DPYD: variants seen among roughly 807,000 people sequenced by gnomAD.
DPYD encodes the protein dihydropyrimidine dehydrogenase, also known as dihydropyrimidine dehydrogenase [NADP(+)].
DPYD carries 109 observed loss-of-function variants against 116.2 expected under a neutral mutation model. The ratio of observed to expected loss-of-function variants is 0.94; its 90% CI spans 0.80 to 1.10. The LOEUF (loss-of-function observed/expected upper bound fraction) is 1.10. Ranked by LOEUF, DPYD falls within the 50% of genes least tolerant of loss-of-function variation. The pLI, the probability that DPYD is intolerant of heterozygous loss-of-function variation, is 0.00. For missense variants in DPYD, 1,302 were observed against 1,254.5 expected, an observed-to-expected ratio of 1.04 and a Z score of -0.57; for synonymous variants, 440 against 432.0, an observed-to-expected ratio of 1.02 and a Z score of -0.23.
At chr1:97,434,328 A>T (rs1318333323) in intron 14 of DPYD, among the ~76,000 whole-genome samples, 1 of 152,104 alleles carries the variant, frequency 6.6e-6, no homozygotes, top group African/African-American at 2.4e-5. Context: ...AAAGTGAAAT[A>T]TCTACCTCAA....
intron 5 of DPYD, among the ~76,000 whole-genome samples, chr1:97,701,954 T>C (rs1200778391): frequency 1.3e-5 from 2 of 151,710 alleles, no homozygotes; most frequent in South Asian, 2.1e-4. Flanking sequence ...TGAGTTTAAA[T>C]TGGTAATAAA....
At chr1:97,675,949 A>G (rs977456482) in intron 8 of DPYD, among the ~76,000 whole-genome samples, 5 of 151,958 alleles carry the variant, frequency 3.3e-5, no homozygotes, top group Non-Finnish European at 7.4e-5. Context: ...GGGTTTCACC[A>G]TGTTGGCCAG....
intron 13 of DPYD, among the ~76,000 whole-genome samples, chr1:97,510,332 C>T (rs1647688486): frequency 6.6e-6 from 1 of 151,932 alleles, no homozygotes; most frequent in South Asian, 2.1e-4. Flanking sequence ...TATGTGCCTT[C>T]CATTTCTCCA....
intron 15 of DPYD, among the ~76,000 whole-genome samples, chr1:97,375,885 C>A (rs1333527272): frequency 6.6e-6 from 1 of 152,168 alleles, no homozygotes; most frequent in Non-Finnish European, 1.5e-5. Context: ...AACAGCAAAT[C>A]AATTCAACAT....
At chr1:97,354,888 T>C (rs1301696623) in intron 16 of DPYD, among the ~76,000 whole-genome samples, 3 of 152,160 alleles carry the variant, frequency 2.0e-5, no homozygotes, top group Admixed American at 6.5e-5. Flanking sequence ...CCCTGGAGAA[T>C]CAATGGGGAA....
At chr1:97,224,852 A>G (rs1661008137) in intron 19 of DPYD, among the ~76,000 whole-genome samples, 1 of 151,918 alleles carries the variant, frequency 6.6e-6, no homozygotes, top group Admixed American at 6.6e-5. Context: ...TCTTTTTTAC[A>G]GCTGAACAAA....
chr1:97,641,744 G>A (rs577584449), intron 8 of DPYD, among the ~76,000 whole-genome samples: 1 of 152,108 alleles, frequency 6.6e-6, no homozygotes, highest in Non-Finnish European at 1.5e-5. Flanking sequence ...TGGAAGTTCT[G>A]GCCAGGGCAA....
chr1:97,117,481 A>C (rs1265007730), intron 20 of DPYD, among the ~76,000 whole-genome samples: 1 of 152,176 alleles, frequency 6.6e-6, no homozygotes, highest in East Asian at 1.9e-4. Flanking sequence ...GTACTAATTC[A>C]ACCTATTTCC....
intron 15 of DPYD, among the ~76,000 whole-genome samples, chr1:97,378,398 G>T (rs926959893): frequency 6.6e-6 from 1 of 152,200 alleles, no homozygotes; most frequent in Non-Finnish European, 1.5e-5. Context: ...TTCAGGTAAA[G>T]AAACTGATAG....
At chr1:97,208,512 C>G (rs570123583) in intron 19 of DPYD, among the ~76,000 whole-genome samples, 1 of 152,052 alleles carries the variant, frequency 6.6e-6, no homozygotes, top group South Asian at 2.1e-4. Flanking sequence ...TCTTGAACTC[C>G]TGGGCTTAAG....
At chr1:97,670,314 C>G (rs1299248849) in intron 8 of DPYD, among the ~76,000 whole-genome samples, 1 of 152,040 alleles carries the variant, frequency 6.6e-6, no homozygotes, top group Non-Finnish European at 1.5e-5. Flanking sequence ...ATGCTGAAGC[C>G]CTAATCTCAA....
At chr1:97,723,414 G>GATC (rs1198698821) in intron 4 of DPYD, among the ~76,000 whole-genome samples, 5 of 151,390 alleles carry the variant, frequency 3.3e-5, no homozygotes, top group African/African-American at 1.2e-4. Context: ...TAGTTACAGT[G>GATC]ATCTTATTCA....
chr1:97,269,599 C>T (rs72726669), intron 18 of DPYD, among the ~76,000 whole-genome samples: 2,338 of 152,178 alleles, frequency 0.015, 42 homozygotes, highest in Middle Eastern at 0.044. Flanking sequence ...GCTGGGAAGT[C>T]GGTGGTTGAG....
intron 20 of DPYD, among the ~76,000 whole-genome samples, chr1:97,124,471 A>G (rs989661701): frequency 1.3e-5 from 2 of 152,162 alleles, no homozygotes. Context: ...CAAGGAAACA[A>G]AAGGACTAGA....
intron 8 of DPYD, among the ~76,000 whole-genome samples, chr1:97,598,717 A>C (rs756806840): frequency 6.6e-6 from 1 of 152,210 alleles, no homozygotes; most frequent in African/African-American, 2.4e-5. Context: ...ACTACTCTAA[A>C]TGCCTGGCCC....
At chr1:97,179,054 A>G (rs1450121709) in intron 20 of DPYD, among the ~76,000 whole-genome samples, 1 of 152,146 alleles carries the variant, frequency 6.6e-6, no homozygotes, top group Non-Finnish European at 1.5e-5. Context: ...TAAGTCGCTC[A>G]CTCATATGGA....
intron 19 of DPYD, among the ~76,000 whole-genome samples, chr1:97,231,605 C>G (rs1020077852): frequency 1.3e-5 from 2 of 152,094 alleles, no homozygotes; most frequent in African/African-American, 4.8e-5. Flanking sequence ...TACCTCCCAC[C>G]AGGTCCCTCC....
chr1:97,084,592 T>C (rs922021117), intron 21 of DPYD, among the ~76,000 whole-genome samples: 2 of 152,184 alleles, frequency 1.3e-5, no homozygotes, highest in Admixed American at 1.3e-4. Context: ...CAGTGCCATA[T>C]GTTTTACACA....
chr1:97,746,269 A>G (rs1024820634), intron 3 of DPYD, among the ~76,000 whole-genome samples: 2 of 152,250 alleles, frequency 1.3e-5, no homozygotes, highest in South Asian at 2.1e-4. Flanking sequence ...TTAGGAAGCT[A>G]GTTTTATTAC....
Sources: allele counts gnomAD v4.1 joint callset (sites outside exome capture counted in the v4.1 genomes callset), GRCh38; gene constraint gnomAD v4.1.1; transcripts MANE v1.5; gene names NCBI Gene and HGNC (gene_info 2026-07-23, HGNC 2026-07-21).